Variants in PNPLA8 observed in about 807,000 individuals in gnomAD.
PNPLA8 encodes the protein patatin like domain 8, phospholipase A2, also known as calcium-independent phospholipase A2-gamma.
Under a neutral mutation model 76.9 loss-of-function variants are expected in PNPLA8, and 39 were observed. That is an observed-to-expected ratio of 0.51 (90% CI 0.39 to 0.66). PNPLA8 has a LOEUF of 0.66. Ranked by LOEUF, PNPLA8 falls within the 30% of genes least tolerant of loss-of-function variation. The pLI, the probability that PNPLA8 is intolerant of heterozygous loss-of-function variation, is 0.00. For missense variants in PNPLA8, 887 were observed against 918.0 expected, an observed-to-expected ratio of 0.97 and a Z score of 0.44; for synonymous variants, 301 against 307.9, an observed-to-expected ratio of 0.98 and a Z score of 0.24.
chr7:108,511,103 C>A, intron 4 of PNPLA8: 1 of 637,536 alleles, frequency 1.6e-6, no homozygotes. Flanking sequence ...ATTTCTCTTT[C>A]CTTTCCTGTA....
intron 5 of PNPLA8, 68 bp from the exon 6 acceptor site, chr7:108,497,645 A>T: frequency 1.3e-6 from 1 of 769,380 alleles, no homozygotes; most frequent in Non-Finnish European, 2.0e-6. Flanking sequence ...GCTGTTGAAT[A>T]AAACAATCTA....
rs769639132 is a variant in PNPLA8 at position 108,487,855 on chromosome 7, CA to C, written c.1781del (p.Leu594TrpfsTer39). The C allele has an allele frequency of 6.2e-7, 1 of 1,613,316 alleles. No individual in the cohort carries two copies. The highest frequency in any genetic ancestry group is 1.1e-5 in the South Asian group (1 of 91,042). ...GCCACATTTTATACTGACAGCCTCC[CA>C]AATAATGAGAGTTGATTCCAGGAAA... Reference protein sequence around the residue: ...GHFPGINSHYLGGCQYKMWQA... With the variant: ...GHFPGINSHYXGGCQYKMWQA... On this transcript the variant is annotated frameshift_variant, in exon 9 of 11. Coordinates refer to ENST00000257694, the MANE Select transcript of PNPLA8 (RefSeq NM_001256007.3). LOFTEE classifies it high-confidence loss of function.
intron 9 of PNPLA8, 53 bp from the exon 10 acceptor site, chr7:108,479,432 G>C (rs1042662847): frequency 8.2e-7 from 1 of 1,212,226 alleles, no homozygotes. Flanking sequence ...CACGGGGAAA[G>C]CTGAACTATG....
chr7:108,502,836 T>C, intron 4 of PNPLA8, 194 bp from the exon 5 acceptor site: 1 of 388,724 alleles, frequency 2.6e-6, no homozygotes, highest in South Asian at 9.5e-5. Context: ...TTTGTTCTAA[T>C]ATTGAGGACA....
At chr7:108,481,428 A>T (rs1019196492) in intron 9 of PNPLA8, among the ~76,000 whole-genome samples, 1 of 152,064 alleles carries the variant, frequency 6.6e-6, no homozygotes, top group East Asian at 1.9e-4. Flanking sequence ...GCATTTCATC[A>T]TTGTTTTAAT....
At chr7:108,498,858 C>T (rs375022841) in intron 5 of PNPLA8, among the ~76,000 whole-genome samples, 1 of 152,170 alleles carries the variant, frequency 6.6e-6, no homozygotes, top group East Asian at 1.9e-4. Flanking sequence ...AGCTCTATTC[C>T]CAACACAAGG....
chr7:108,514,223 G>C lies in PNPLA8; in HGVS notation c.1127C>G (p.Pro376Arg). 1 of 1,608,944 alleles carries C rather than the reference G, an allele frequency of 6.2e-7. No individual in the cohort carries two copies. The change falls in exon 4 of 11, where the codon CCA (proline) becomes CGA (arginine). Residue 376 changes from proline to arginine, a missense_variant. By Grantham distance (103) the Pro-to-Arg change is moderately radical. Coordinates refer to ENST00000257694, the MANE Select transcript of PNPLA8 (RefSeq NM_001256007.3). ...TTCAACCCTAGTAATGCAGAGCTTT[G>C]GGTCAGTTGTTCTTCTTAATGCCTG... ...LVQALRRTTD[P>R]KLCITRVEEL...
chr7:108,527,695 T>G (rs1039689017), upstream of PNPLA8: 1 of 152,188 alleles, frequency 6.6e-6, no homozygotes, highest in African/African-American at 2.4e-5. Context: ...TCGGGGATAT[T>G]CTTGTTAAAG....
chr7:108,503,768 T>C (rs1477624000), intron 4 of PNPLA8, among the ~76,000 whole-genome samples: 1 of 151,736 alleles, frequency 6.6e-6, no homozygotes, highest in Non-Finnish European at 1.5e-5. Flanking sequence ...CAGGAAAAAG[T>C]AAAGGACCAA....
At chr7:108,507,723 T>C (rs1367872032) in intron 4 of PNPLA8, among the ~76,000 whole-genome samples, 1 of 152,176 alleles carries the variant, frequency 6.6e-6, no homozygotes, top group African/African-American at 2.4e-5. Context: ...AAAAAATTCA[T>C]TTAATCACTG....
chr7:108,480,727 T>C (rs1315753954), intron 9 of PNPLA8: 5 of 420,284 alleles, frequency 1.2e-5, no homozygotes, highest in Non-Finnish European at 2.4e-5. Flanking sequence ...GCTCATTTCA[T>C]TGTAAAATAT....
At chr7:108,525,757 G>A (rs1400253109) in intron 1 of PNPLA8, among the ~76,000 whole-genome samples, 1 of 152,202 alleles carries the variant, frequency 6.6e-6, no homozygotes, top group African/African-American at 2.4e-5. Context: ...GATGGGACAG[G>A]GGGAGCAGGG....
At chr7:108,479,105 G>A in intron 10 of PNPLA8, 79 bp downstream of exon 10, 1 of 925,500 alleles carries the variant, frequency 1.1e-6, no homozygotes. Flanking sequence ...TGCCTTTGCA[G>A]TTAGGACCAA....
intron 2 of PNPLA8, among the ~76,000 whole-genome samples, chr7:108,518,700 A>G (rs1291627467): frequency 6.8e-6 from 1 of 146,932 alleles, no homozygotes; most frequent in African/African-American, 2.5e-5. Context: ...CTGCAGTTCT[A>G]TATAAGCTAT....
chr7:108,509,926 A>G (rs1289210015), intron 4 of PNPLA8, among the ~76,000 whole-genome samples: 4 of 144,488 alleles, frequency 2.8e-5, no homozygotes, highest in African/African-American at 5.2e-5. Context: ...CTATCGCAAG[A>G]ACAAAAAACC....
chr7:108,514,569 C>T lies in PNPLA8; in HGVS notation c.923G>A (p.Gly308Glu), dbSNP rs1343317145. Residue 308 changes from glycine to glutamate, a missense_variant, in exon 3 of 11, where the codon GGA becomes GAA. Coordinates refer to ENST00000257694, the MANE Select transcript of PNPLA8 (RefSeq NM_001256007.3). ...ATCATACTTTAATTTGGGGACAAGT[C>T]CACCAATATAACCACCTACTAAAGC... ...VQALVGGYIG[G>E]LVPKLKYDSK... The T allele has an allele frequency of 1.2e-6, 2 of 1,613,890 alleles. No individual in the cohort carries two copies. The highest frequency in any genetic ancestry group is 1.7e-6 in the Non-Finnish European group (2 of 1,179,836).
In PNPLA8 at chr7:108,514,232, GTTC is replaced by G. The variant is rs765520405; in HGVS notation, c.1115_1117del (p.Arg372del). 5.6e-6 allele frequency: 9 copies of G among 1,610,078 alleles called. No individual in the cohort carries two copies. The highest frequency in any genetic ancestry group is 3.3e-5 in the Admixed American group (2 of 59,978). ...AGTAATGCAGAGCTTTGGGTCAGTT[GTTC>G]TTCTTAATGCCTGAACTAATGCCCG... On this transcript the variant is annotated inframe_deletion, in exon 4 of 11. Transcript: ENST00000257694.
chr7:108,481,172 CAT>C (rs1860367290), intron 9 of PNPLA8, among the ~76,000 whole-genome samples: 1 of 152,182 alleles, frequency 6.6e-6, no homozygotes, highest in Admixed American at 6.5e-5. Flanking sequence ...TTGCTATACA[CAT>C]GTGAGTACAG....
chr7:108,483,056 C>T (rs1860509541), intron 9 of PNPLA8, among the ~76,000 whole-genome samples: 1 of 152,204 alleles, frequency 6.6e-6, no homozygotes, highest in African/African-American at 2.4e-5. Flanking sequence ...TTGCAAACCA[C>T]AGATTATGAT....
Sources: allele counts gnomAD v4.1 joint callset (sites outside exome capture counted in the v4.1 genomes callset), GRCh38; gene constraint gnomAD v4.1.1; transcripts MANE v1.5; gene names NCBI Gene and HGNC (gene_info 2026-07-23, HGNC 2026-07-21).